Variants in FAM124B observed in about 807,000 individuals in gnomAD.
FAM124B encodes family with sequence similarity 124 member B, also known as protein FAM124B.
In FAM124B, 18 loss-of-function variants were observed where a neutral mutation model predicts 19.7. That is an observed-to-expected ratio of 0.92 (90% confidence interval 0.63 to 1.36). The LOEUF (loss-of-function observed/expected upper bound fraction) is 1.36. Ranked by LOEUF, FAM124B falls within the 40% of genes most tolerant of loss-of-function variation. FAM124B has a pLI of 0.00. For synonymous variants in FAM124B, 223 were observed against 225.2 expected (o/e 0.99, Z 0.09); for missense variants, 540 against 553.3 (o/e 0.98, Z 0.24).
At chr2:224,400,267 AT>A (rs1193492243) in intron 1 of FAM124B, 1 of 479,696 alleles carries the variant, frequency 2.1e-6, no homozygotes, top group East Asian at 3.1e-5. Flanking sequence ...ATAATAAAGA[AT>A]AAAAATTAAG....
At chr2:224,384,252 C>A (rs192472415) in intron 1 of FAM124B, among the ~76,000 whole-genome samples, 1 of 152,154 alleles carries the variant, frequency 6.6e-6, no homozygotes, top group Non-Finnish European at 1.5e-5. Context: ...CCATGGGCTC[C>A]GGCACTCAAT....
chr2:224,396,269 T>G (rs1404895596), intron 1 of FAM124B, among the ~76,000 whole-genome samples: 2 of 152,140 alleles, frequency 1.3e-5, no homozygotes, highest in Admixed American at 6.5e-5. Flanking sequence ...GAGCATGGCC[T>G]GCTAAGCAGC....
Position 224,385,216 on chromosome 2 carries a change from A to T in FAM124B, c.733-5008T>A, listed in dbSNP as rs867485982. 4.6e-5 allele frequency among the ~76,000 whole-genome samples: 7 copies of T among 152,058 alleles called. No homozygotes were observed. In the South Asian group the frequency reaches 1.0e-3, roughly 22 times the overall value. Reference sequence around the variant, plus strand: ...TAATTCCCTCCTACCACTCCAATGAAATTGCTCTTGCCAAGGTCATCTACA... The same window carrying T: ...TAATTCCCTCCTACCACTCCAATGATATTGCTCTTGCCAAGGTCATCTACA... On this transcript the variant is annotated intron_variant, in intron 1 of 1. Coordinates refer to ENST00000409685, the MANE Select transcript of FAM124B (RefSeq NM_001122779.2).
intron 1 of FAM124B, chr2:224,400,523 T>A (rs1345255355): frequency 1.5e-6 from 1 of 686,686 alleles, no homozygotes; most frequent in Non-Finnish European, 2.6e-6. Context: ...ATAAAAAAAT[T>A]AAAAATTAAA....
intron 1 of FAM124B, among the ~76,000 whole-genome samples, chr2:224,395,381 G>GCTGATTTGACAAAATAT (rs2106086703): frequency 6.6e-6 from 1 of 152,326 alleles, no homozygotes; most frequent in African/African-American, 2.4e-5. Flanking sequence ...TGACAAAATA[G>GCTGATTTGACAAAATAT]CTAATTTGAC....
rs1394688983 is a variant in FAM124B at position 224,401,764 on chromosome 2, T to C, written c.5A>G (p.Asp2Gly). The C allele has an allele frequency of 1.2e-6, 2 of 1,610,604 alleles. No homozygotes were observed. The highest frequency in any genetic ancestry group is 1.7e-6 in the Non-Finnish European group (2 of 1,178,292). M[D>G]ETQGPLAMTV... ...CATGGCCAGAGGCCCCTGTGTCTCATCCATGGAGGAACTGCCTGAGGCTGA... is the reference window on the plus strand; with the variant it reads ...CATGGCCAGAGGCCCCTGTGTCTCACCCATGGAGGAACTGCCTGAGGCTGA... Residue 2 changes from aspartate to glycine, a missense_variant, in exon 1 of 2, where the codon GAT becomes GGT. Coordinates refer to ENST00000409685, the MANE Select transcript of FAM124B (RefSeq NM_001122779.2).
intron 1 of FAM124B, among the ~76,000 whole-genome samples, chr2:224,382,800 C>T (rs1689744450): frequency 6.6e-6 from 1 of 152,138 alleles, no homozygotes; most frequent in Non-Finnish European, 1.5e-5. Flanking sequence ...AGAGGGTAGC[C>T]TCTGCCTACG....
chr2:224,401,629 C>T lies in FAM124B; in HGVS notation c.140G>A (p.Arg47Gln). ...TTCACAGTATTTCACAGGACTGGCC[C>T]GTTCAGACACCTGAAAGAGCCGGAC... ...PEVRLFQVSE[R>Q]ASPVKYCEKS... Residue 47 changes from arginine to glutamine, a missense_variant, in exon 1 of 2, where the codon CGG (arginine) becomes CAG (glutamine). Physicochemically the swap from Arg to Gln is conservative, Grantham distance 43 (BLOSUM62 1). Transcript: ENST00000409685. 1 of 1,614,188 alleles carries T rather than the reference C, an allele frequency of 6.2e-7. No individual in the cohort carries two copies. The highest frequency in any genetic ancestry group is 1.1e-5 in the South Asian group (1 of 91,074).
intron 1 of FAM124B, among the ~76,000 whole-genome samples, chr2:224,381,991 G>A (rs1338844854): frequency 6.6e-6 from 1 of 152,036 alleles, no homozygotes; most frequent in African/African-American, 2.4e-5. Flanking sequence ...CACTCACACA[G>A]AGCATATTTG....
chr2:224,401,929 C>T lies in FAM124B; in HGVS notation c.-161G>A. 1.3e-6 allele frequency: 1 copy of T among 795,800 alleles called. No individual in the cohort carries two copies. The highest frequency in any genetic ancestry group is 2.7e-5 in the East Asian group (1 of 36,956). 49.3% of individuals were successfully genotyped at this position (795,800 alleles called of 1,614,324 possible). On this transcript the variant is annotated 5_prime_UTR_variant, in exon 1 of 2. Transcript: ENST00000409685. ...GCTCTTAACCAGACTAACACGTGCTCCTGGCCACCCGTGGACTTACGGCAA... is the reference window on the plus strand; with the variant it reads ...GCTCTTAACCAGACTAACACGTGCTTCTGGCCACCCGTGGACTTACGGCAA...
chr2:224,379,416 A>T lies in FAM124B; in HGVS notation c.*157T>A. On this transcript the variant is annotated 3_prime_UTR_variant, in exon 2 of 2. Coordinates refer to ENST00000409685, the MANE Select transcript of FAM124B (RefSeq NM_001122779.2). ...ATAAACAATCATTCCCAGCACCTTT[A>T]GACTTTGAACATTTGAAATAAAATC... 1 of 1,064,676 alleles carries T rather than the reference A, an allele frequency of 9.4e-7. No homozygotes were observed. The highest frequency in any genetic ancestry group is 1.3e-6 in the Non-Finnish European group (1 of 768,834). The allele number at this position is 1,064,676 out of a possible 1,614,324, so 66.0% of individuals were successfully genotyped here.
Position 224,378,834 on chromosome 2 carries a change from T to C in FAM124B, c.*739A>G, listed in dbSNP as rs567992614. On this transcript the variant is annotated 3_prime_UTR_variant, in exon 2 of 2. Coordinates refer to ENST00000409685, the MANE Select transcript of FAM124B (RefSeq NM_001122779.2). ...CAGTGACCAGATCAACCAGTCCAAT[T>C]TTCCCACTGTGCTCAATGTTCCTCT... 1 of 152,284 alleles carries C rather than the reference T, an allele frequency of 6.6e-6. No homozygotes were observed. Among genetic ancestry groups the C allele is most frequent in the East Asian group, 1.9e-4 (1 of 5,182 alleles). The allele number at this position is 152,284 out of a possible 1,614,324, so 9.4% of individuals were successfully genotyped here. A position where few individuals can be genotyped will look rare whatever the true frequency, so the allele number is the denominator to read the frequency against.
Position 224,389,057 on chromosome 2 carries a change from G to A in FAM124B, c.733-8849C>T, listed in dbSNP as rs190201557. Among the ~76,000 whole-genome samples the A allele has an allele frequency of 3.5e-3, 537 of 152,268 alleles. 4 individuals are homozygous for A. The highest frequency in any genetic ancestry group is 0.012 in the African/African-American group (509 of 41,550). On this transcript the variant is annotated intron_variant, in intron 1 of 1. Coordinates refer to ENST00000409685, the MANE Select transcript of FAM124B (RefSeq NM_001122779.2). The stretch of plus-strand genomic sequence containing the variant: ...AACCAATTCTCTGCCTCAGCCTCCC[G>A]TGTAGCTGGGATTACAGGCAGGCGC...
At chr2:224,384,520 C>T (rs1462448816) in intron 1 of FAM124B, among the ~76,000 whole-genome samples, 1 of 152,222 alleles carries the variant, frequency 6.6e-6, no homozygotes, top group African/African-American at 2.4e-5. Context: ...ACACATCGGT[C>T]TGTGAAATGG....
At chr2:224,400,453 C>T (rs747273655) in intron 1 of FAM124B, 5 of 697,562 alleles carry the variant, frequency 7.2e-6, no homozygotes, top group Non-Finnish European at 1.3e-5. Flanking sequence ...CCTCAGGGAG[C>T]TATGATGGCA....
chr2:224,392,437 CCT>C (rs1174755596), intron 1 of FAM124B, among the ~76,000 whole-genome samples: 1 of 151,898 alleles, frequency 6.6e-6, no homozygotes, highest in African/African-American at 2.4e-5. Flanking sequence ...AGGATCAGAC[CCT>C]CTCTCTAAAA....
At chr2:224,384,243 C>T (rs899787042) in intron 1 of FAM124B, among the ~76,000 whole-genome samples, 1 of 152,156 alleles carries the variant, frequency 6.6e-6, no homozygotes, top group African/African-American at 2.4e-5. Flanking sequence ...ATTCTGAGGC[C>T]ATGGGCTCCG....
chr2:224,390,722 A>C (rs147257956), intron 1 of FAM124B, among the ~76,000 whole-genome samples: 2,766 of 148,308 alleles, frequency 0.019, 82 homozygotes, highest in African/African-American at 0.065. Context: ...GTTTTTTAAG[A>C]CAGAGTCTCT....
rs369601310 is a variant in FAM124B at position 224,401,388 on chromosome 2, C to T, written c.381G>A (p.Gly127=). ...YSLDSQLPIW[G]VRQVHCGSEI... ...CGGAGCCACAGTGCACCTGCCTCAC[C>T]CCCCAGATGGGCAGCTGACTGTCCA... Residue 127 remains glycine, a synonymous_variant, in exon 1 of 2, where the codon GGG becomes GGA. Transcript: ENST00000409685. 1.1e-5 allele frequency: 17 copies of T among 1,613,966 alleles called. No homozygotes were observed. In the South Asian group the frequency reaches 1.3e-4, roughly 13 times the overall value.
Sources: allele counts gnomAD v4.1 joint callset (sites outside exome capture counted in the v4.1 genomes callset), GRCh38; gene constraint gnomAD v4.1.1; transcripts MANE v1.5; gene names NCBI Gene and HGNC (gene_info 2026-07-23, HGNC 2026-07-21).